CLEC3A: variants seen among roughly 807,000 people sequenced by gnomAD.
CLEC3A encodes the protein C-type lectin domain family 3 member A.
In CLEC3A, 28 loss-of-function variants were observed where a neutral mutation model predicts 20.4. That is an observed-to-expected ratio of 1.37 (90% CI 1.02 to 1.88). CLEC3A has a LOEUF of 1.88. Among genes scored for constraint, CLEC3A ranks in the 40% most tolerant of loss-of-function variants. The pLI is 0.00. For synonymous variants in CLEC3A, 110 were observed against 88.1 expected (o/e 1.25, Z -1.39); for missense variants, 357 against 240.4 (o/e 1.48, Z -3.21).
intron 1 of CLEC3A, 148 bp downstream of exon 1, chr16:78,022,889 T>C: frequency 1.3e-6 from 1 of 756,680 alleles, no homozygotes; most frequent in Non-Finnish European, 2.0e-6. Flanking sequence ...GGGGATTAAG[T>C]GAACTTGTAA....
chr16:78,028,985 G>A (rs1374034097), intron 2 of CLEC3A: 2 of 377,054 alleles, frequency 5.3e-6, no homozygotes, highest in Non-Finnish European at 1.0e-5. Context: ...GAATTAGAAA[G>A]TTAAAAGACA....
At position 78,028,050 on chromosome 16, in the gene CLEC3A, A is replaced by G. The variant is rs115992679; in HGVS notation, c.116-57A>G. 448 of 1,203,346 alleles carry G rather than the reference A, an allele frequency of 3.7e-4. 3 individuals are homozygous for G. The African/African-American group carries it at 6.4e-3, about 17-fold the overall frequency. The allele number at this position is 1,203,346 out of a possible 1,614,324, so 74.5% of individuals were successfully genotyped here. A position where few individuals can be genotyped will look rare whatever the true frequency, so the allele number is the denominator to read the frequency against. ...GTCCTACATTCCAAAGCTTGATTTT[A>G]TTTTAATCATACGCTTTTCATCCAC... On this transcript the variant is annotated intron_variant, in intron 1 of 2. Transcript: ENST00000299642.
intron 1 of CLEC3A, among the ~76,000 whole-genome samples, chr16:78,026,866 C>T (rs1426946165): frequency 6.6e-6 from 1 of 152,140 alleles, no homozygotes; most frequent in Non-Finnish European, 1.5e-5. Context: ...TTGCTAATAC[C>T]TAATATAGAC....
In CLEC3A at chr16:78,022,648, A is replaced by C; in HGVS notation, c.22A>C (p.Ile8Leu). 2 of 1,614,158 alleles carry C rather than the reference A, an allele frequency of 1.2e-6. No homozygotes were observed. Among genetic ancestry groups the C allele is most frequent in the South Asian group, 1.1e-5 (1 of 91,086 alleles). Residue 8 changes from isoleucine to leucine, a missense_variant, in exon 1 of 3, where the codon ATT (isoleucine) becomes CTT (leucine). By Grantham distance (5) the Ile-to-Leu change is conservative. Transcript: ENST00000299642. ...AGCCATGGCAAAGAATGGACTTGTA[A>C]TTTGCATCCTGGTGATCACCTTACT... is the stretch of plus-strand genomic sequence containing the variant. Reference protein sequence around the residue: MAKNGLVICILVITLLLD... With the variant: MAKNGLVLCILVITLLLD...
At chr16:78,025,645 G>A (rs567692990) in intron 1 of CLEC3A, among the ~76,000 whole-genome samples, 6 of 152,274 alleles carry the variant, frequency 3.9e-5, no homozygotes, top group African/African-American at 1.4e-4. Flanking sequence ...AATAGCAACC[G>A]AAGAATTTAG....
chr16:78,029,956 A>G (rs2030039092), intron 2 of CLEC3A, among the ~76,000 whole-genome samples: 1 of 152,052 alleles, frequency 6.6e-6, no homozygotes. Context: ...GATCGAGACC[A>G]TCCTGGCTAA....
At chr16:78,025,354 C>T (rs1336862281) in intron 1 of CLEC3A, among the ~76,000 whole-genome samples, 4 of 152,180 alleles carry the variant, frequency 2.6e-5, no homozygotes, top group African/African-American at 9.7e-5. Flanking sequence ...CAAGTAACTG[C>T]TTTGCACACA....
In CLEC3A at chr16:78,031,750, T is replaced by G. The variant is rs1426274205; in HGVS notation, c.*909T>G. The G allele has an allele frequency of 1.3e-5, 2 of 152,208 alleles. No homozygotes were observed. The highest frequency in any genetic ancestry group is 1.9e-4 in the East Asian group (1 of 5,192). 9.4% of individuals were successfully genotyped at this position (152,208 alleles called of 1,614,324 possible). A position where few individuals can be genotyped will look rare whatever the true frequency, so the allele number is the denominator to read the frequency against. On this transcript the variant is annotated 3_prime_UTR_variant, in exon 3 of 3. Coordinates refer to ENST00000299642, the MANE Select transcript of CLEC3A (RefSeq NM_005752.6). ...CATCATTATATGTTTAAGTCTATTA[T>G]GGGCAACCAATCTTTGGAAGCTGAA...
At chr16:78,030,002 A>G (rs35636003) in intron 2 of CLEC3A, among the ~76,000 whole-genome samples, 38,101 of 151,700 alleles carry the variant, frequency 0.25, 6,071 homozygotes, top group Non-Finnish European at 0.34. Context: ...AAATACAAAA[A>G]ATTAGCCGAG....
intron 1 of CLEC3A, among the ~76,000 whole-genome samples, chr16:78,023,185 G>A (rs1045137957): frequency 2.0e-5 from 3 of 152,202 alleles, no homozygotes; most frequent in African/African-American, 7.2e-5. Flanking sequence ...ATGTGTAGCA[G>A]AGGATAGAGA....
At position 78,031,962 on chromosome 16, in the gene CLEC3A, G is replaced by C. The variant is rs908690049; in HGVS notation, c.*1121G>C. Reference sequence around the variant, plus strand: ...AAGCAAACAATTTTAAATATATTTTGTTCTTCAAATAAATAGTGTTTAAAC... The same window carrying C: ...AAGCAAACAATTTTAAATATATTTTCTTCTTCAAATAAATAGTGTTTAAAC... On this transcript the variant is annotated 3_prime_UTR_variant, in exon 3 of 3. Transcript: ENST00000299642. The C allele has an allele frequency of 1.3e-5, 2 of 152,488 alleles. No individual in the cohort carries two copies. Among genetic ancestry groups the C allele is most frequent in the Non-Finnish European group, 2.9e-5 (2 of 67,984 alleles). 9.4% of individuals were successfully genotyped at this position (152,488 alleles called of 1,614,324 possible).
In CLEC3A at chr16:78,022,722, C is replaced by T. The variant is rs768128970; in HGVS notation, c.96C>T (p.His32=). 3 of 1,614,184 alleles carry T rather than the reference C, an allele frequency of 1.9e-6. No homozygotes were observed. Among genetic ancestry groups the T allele is most frequent in the Admixed American group, 1.7e-5 (1 of 60,020 alleles). ...CATCCAGATTAAAAGCCAGGAAGCACAGCAAACGTCGAGTGAGAGGTAATG... is the reference window on the plus strand; with the variant it reads ...CATCCAGATTAAAAGCCAGGAAGCATAGCAAACGTCGAGTGAGAGGTAATG... The part of the protein sequence containing the change: ...SHTSRLKARK[H]SKRRVRDKDG... The change falls in exon 1 of 3, where the codon CAC becomes CAT. Residue 32 remains histidine (H), a synonymous_variant. Coordinates refer to ENST00000299642, the MANE Select transcript of CLEC3A (RefSeq NM_005752.6).
chr16:78,022,591 GC>G lies in CLEC3A; in HGVS notation c.-35del. ...CTCCTTCCATAGCTGCTCTAAGGGG[GC>G]TGGCAACATGGCTCAGCAGGCTTGC... On this transcript the variant is annotated 5_prime_UTR_variant, in exon 1 of 3. Coordinates refer to ENST00000299642, the MANE Select transcript of CLEC3A (RefSeq NM_005752.6). 1 of 1,610,604 alleles carries G rather than the reference GC, an allele frequency of 6.2e-7. No homozygotes were observed. The highest frequency in any genetic ancestry group is 8.5e-7 in the Non-Finnish European group (1 of 1,178,412).
At chr16:78,024,249 T>A (rs2018784571) in intron 1 of CLEC3A, among the ~76,000 whole-genome samples, 1 of 151,998 alleles carries the variant, frequency 6.6e-6, no homozygotes, top group Non-Finnish European at 1.5e-5. Context: ...CTGGATGGAG[T>A]GGCACTCCTC....
chr16:78,025,587 C>T lies in CLEC3A; in HGVS notation c.116-2520C>T, dbSNP rs192313267. On this transcript the variant is annotated intron_variant, in intron 1 of 2. Transcript: ENST00000299642. ...TTTTGTGTTTCTACACTGTGTCTAC[C>T]TCTGGAGAGCAACAGTAAAATGAAA... 2.0e-5 allele frequency among the ~76,000 whole-genome samples: 3 copies of T among 152,262 alleles called. No homozygotes were observed. The East Asian group carries it at 5.8e-4, about 29-fold the overall frequency.
rs559410229 is a variant in CLEC3A, at chr16:78,031,604, G to A, written c.*763G>A. On this transcript the variant is annotated 3_prime_UTR_variant, in exon 3 of 3. Coordinates refer to ENST00000299642, the MANE Select transcript of CLEC3A (RefSeq NM_005752.6). ...CAAAGAAGCAGATTGCATGATAAAC[G>A]GAAACAGAAAAAAAGAACCTACATT... The A allele has an allele frequency of 1.1e-4, 16 of 151,986 alleles. No individual in the cohort carries two copies. Among genetic ancestry groups the A allele is most frequent in the South Asian group, 8.3e-4 (4 of 4,798 alleles). The allele number at this position is 151,986 out of a possible 1,614,324, so 9.4% of individuals were successfully genotyped here. A position where few individuals can be genotyped will look rare whatever the true frequency, so the allele number is the denominator to read the frequency against.
rs781066136 is a variant in CLEC3A at position 78,030,764 on chromosome 16, T to C, written c.517T>C (p.Ser173Pro). The C allele has an allele frequency of 6.2e-7, 1 of 1,614,124 alleles. No individual in the cohort carries two copies. Among genetic ancestry groups the C allele is most frequent in the Non-Finnish European group, 8.5e-7 (1 of 1,180,020 alleles). ...AGAAAACTGTGTCCTGTTCTCCCAA[T>C]CAGCTCAGGGCAAGTGGAGTGATGA... The part of the protein sequence containing the change: ...KRENCVLFSQ[S>P]AQGKWSDEAC... Residue 173 changes from serine to proline, a missense_variant, in exon 3 of 3, where the codon TCA (serine) becomes CCA (proline). Ser to Pro is a moderately conservative substitution (Grantham distance 74). Coordinates refer to ENST00000299642, the MANE Select transcript of CLEC3A (RefSeq NM_005752.6).
chr16:78,031,384 A>T lies in CLEC3A; in HGVS notation c.*543A>T, dbSNP rs1186469235. 6.6e-6 allele frequency: 1 copy of T among 151,978 alleles called. No homozygotes were observed. The highest frequency in any genetic ancestry group is 1.5e-5 in the Non-Finnish European group (1 of 68,116). 9.4% of individuals were successfully genotyped at this position (151,978 alleles called of 1,614,324 possible). ...TGCTCCATCTCCTGGTGGGACTTGT[A>T]TCTTGTCTGCCATATCAGAACACAA... On this transcript the variant is annotated 3_prime_UTR_variant, in exon 3 of 3. Coordinates refer to ENST00000299642, the MANE Select transcript of CLEC3A (RefSeq NM_005752.6).
intron 2 of CLEC3A, 77 bp downstream of exon 2, chr16:78,028,267 T>G: frequency 2.0e-6 from 2 of 1,000,084 alleles, no homozygotes; most frequent in South Asian, 1.7e-5. Flanking sequence ...GGGGACGTCT[T>G]TTTAAAAGAA....
Sources: gnomAD v4.1 joint callset for allele counts (sites outside exome capture counted in the v4.1 genomes callset) on GRCh38, gnomAD v4.1.1 for gene constraint, MANE v1.5 for transcripts, NCBI Gene and HGNC (gene_info 2026-07-23, HGNC 2026-07-21) for gene names.